RALGPS2: variants seen among roughly 807,000 people sequenced by gnomAD.
RALGPS2 encodes the protein ras-specific guanine nucleotide-releasing factor RalGPS2.
RALGPS2 carries 43 observed loss-of-function variants against 86.8 expected under a neutral mutation model. The observed-to-expected ratio is 0.50, with a 90% confidence interval of 0.39 to 0.64. The LOEUF is 0.64. Among genes scored for constraint, RALGPS2 ranks in the 30% least tolerant of loss-of-function variants. RALGPS2 has a pLI of 0.00. For synonymous variants in RALGPS2, 243 were observed against 231.3 expected (o/e 1.05, Z -0.46); for missense variants, 536 against 694.6 (o/e 0.77, Z 2.57).
chr1:178,856,722 TGTAGCTTATTTAATAAA>T (rs1657613149), intron 8 of RALGPS2, among the ~76,000 whole-genome samples: 1 of 152,118 alleles, frequency 6.6e-6, no homozygotes, highest in Non-Finnish European at 1.5e-5. Flanking sequence ...AACACATAAT[TGTAGCTTATTTAATAAA>T]GTAGCTTATT....
chr1:178,921,758 A>G lies in RALGPS2; in HGVS notation c.*5399A>G, dbSNP rs1647332319. 6.6e-6 allele frequency: 1 copy of G among 152,000 alleles called. No homozygotes were observed. Among genetic ancestry groups the G allele is most frequent in the Non-Finnish European group, 1.5e-5 (1 of 67,942 alleles). The allele number at this position is 152,000 out of a possible 1,614,324, so 9.4% of individuals were successfully genotyped here. On this transcript the variant is annotated 3_prime_UTR_variant, in exon 20 of 20. Coordinates refer to ENST00000367635, the MANE Select transcript of RALGPS2 (RefSeq NM_152663.5). ...ATGCAAATGTGAGTGTGCGATCTTC[A>G]GTGTGTCTGCATAAGCTAACTTAAG...
In RALGPS2 at chr1:178,834,932, C is replaced by G. The variant is rs1020494081; in HGVS notation, c.607+1382C>G. On this transcript the variant is annotated intron_variant, in intron 8 of 19. Transcript: ENST00000367635. ...AGCTGGGATTACAGGCAAGCACCAC[C>G]ACGCCCAGCTAATTTTTGTATTTTT... Among the ~76,000 whole-genome samples, 3 of 152,190 alleles carry G rather than the reference C, an allele frequency of 2.0e-5. No individual in the cohort carries two copies. In the East Asian group the frequency reaches 5.8e-4, roughly 29 times the overall value.
chr1:178,810,644 A>G (rs1310919259), intron 5 of RALGPS2, among the ~76,000 whole-genome samples: 1 of 151,682 alleles, frequency 6.6e-6, no homozygotes, highest in African/African-American at 2.4e-5. Flanking sequence ...TGTATACTTT[A>G]TATTTACATA....
At chr1:178,809,279 C>T (rs1654872422) in intron 5 of RALGPS2, among the ~76,000 whole-genome samples, 1 of 151,790 alleles carries the variant, frequency 6.6e-6, no homozygotes, top group African/African-American at 2.4e-5. Context: ...TTTTAGTCTG[C>T]CTTTTCACTG....
Position 178,889,713 on chromosome 1 carries a change from A to C in RALGPS2, c.1247+17A>C. On this transcript the variant is annotated intron_variant, in intron 14 of 19. Coordinates refer to ENST00000367635, the MANE Select transcript of RALGPS2 (RefSeq NM_152663.5). ...TTTTGAAAGGTAAGATAAATTGTCC[A>C]TTTGAACTACTTGGAGTTTATTTTG... The C allele has an allele frequency of 6.3e-7, 1 of 1,586,354 alleles. No individual in the cohort carries two copies. The highest frequency in any genetic ancestry group is 8.6e-7 in the Non-Finnish European group (1 of 1,159,480).
At chr1:178,751,889 A>G (rs1651700768) in intron 1 of RALGPS2, among the ~76,000 whole-genome samples, 1 of 152,236 alleles carries the variant, frequency 6.6e-6, no homozygotes, top group Non-Finnish European at 1.5e-5. Flanking sequence ...TTAAAAGACC[A>G]GAGGGATCTT....
At chr1:178,916,005 A>G (rs1660797132) in intron 19 of RALGPS2, among the ~76,000 whole-genome samples, 9 of 152,192 alleles carry the variant, frequency 5.9e-5, no homozygotes, top group Admixed American at 5.9e-4. Context: ...ACCCTACCAG[A>G]GTCATACTTA....
intron 1 of RALGPS2, among the ~76,000 whole-genome samples, chr1:178,727,106 G>A (rs983643107): frequency 2.0e-5 from 3 of 152,096 alleles, no homozygotes; most frequent in African/African-American, 7.2e-5. Flanking sequence ...AAAATGTAAG[G>A]GCATTAATGC....
chr1:178,888,017 G>T (rs572348816), intron 13 of RALGPS2, among the ~76,000 whole-genome samples: 6 of 152,148 alleles, frequency 3.9e-5, no homozygotes, highest in African/African-American at 1.4e-4. Context: ...TTATTCTGTA[G>T]TTTATAGCTT....
intron 1 of RALGPS2, among the ~76,000 whole-genome samples, chr1:178,768,931 CAG>C (rs1652647005): frequency 6.6e-6 from 1 of 152,082 alleles, no homozygotes; most frequent in South Asian, 2.1e-4. Context: ...GGGCATGGAG[CAG>C]AGATAGCCAC....
chr1:178,731,706 T>C (rs1387967955), intron 1 of RALGPS2, among the ~76,000 whole-genome samples: 1 of 152,216 alleles, frequency 6.6e-6, no homozygotes, highest in Non-Finnish European at 1.5e-5. Flanking sequence ...TGATATTTTA[T>C]GTATCTTGTA....
chr1:178,764,013 G>A (rs1196853587), intron 1 of RALGPS2, among the ~76,000 whole-genome samples: 1 of 151,924 alleles, frequency 6.6e-6, no homozygotes, highest in Admixed American at 6.6e-5. Context: ...AGGTCTATTT[G>A]ATCAAGTGTT....
chr1:178,813,190 C>G (rs1461106786), intron 6 of RALGPS2, among the ~76,000 whole-genome samples: 2 of 152,146 alleles, frequency 1.3e-5, no homozygotes, highest in Non-Finnish European at 2.9e-5. Flanking sequence ...ACCTCGGCCT[C>G]CCAAAGTGCT....
chr1:178,871,483 A>G (rs1284915296), intron 8 of RALGPS2, among the ~76,000 whole-genome samples: 1 of 151,466 alleles, frequency 6.6e-6, no homozygotes, highest in Non-Finnish European at 1.5e-5. Flanking sequence ...ATAATGTAAT[A>G]AATACTCTTT....
intron 7 of RALGPS2, among the ~76,000 whole-genome samples, chr1:178,822,501 CTT>C (rs113513115): frequency 6.6e-6 from 1 of 151,884 alleles, no homozygotes; most frequent in Non-Finnish European, 1.5e-5. Flanking sequence ...CTTTTTAAAA[CTT>C]TATTACTAAA....
intron 5 of RALGPS2, among the ~76,000 whole-genome samples, chr1:178,810,763 G>C (rs1654939263): frequency 6.6e-6 from 1 of 151,806 alleles, no homozygotes; most frequent in Admixed American, 6.6e-5. Context: ...AGAAATATGA[G>C]GCAGTGGCAT....
chr1:178,760,214 G>T (rs1292273693), intron 1 of RALGPS2, among the ~76,000 whole-genome samples: 1 of 152,138 alleles, frequency 6.6e-6, no homozygotes, highest in African/African-American at 2.4e-5. Context: ...ATTAGGTCCA[G>T]TTGGTCTGTG....
intron 1 of RALGPS2, among the ~76,000 whole-genome samples, chr1:178,761,490 G>A (rs75050723): frequency 0.043 from 6,492 of 151,774 alleles, 486 homozygotes; most frequent in African/African-American, 0.15. Context: ...TGAGAGTCTC[G>A]TCTCTAAGCT....
At chr1:178,824,007 A>G (rs1225327985) in intron 7 of RALGPS2, among the ~76,000 whole-genome samples, 1 of 152,176 alleles carries the variant, frequency 6.6e-6, no homozygotes, top group Admixed American at 6.6e-5. Flanking sequence ...AAATGAGGAG[A>G]AATCAACAAA....
Sources: gnomAD v4.1 joint callset for allele counts (sites outside exome capture counted in the v4.1 genomes callset) on GRCh38, gnomAD v4.1.1 for gene constraint, MANE v1.5 for transcripts, NCBI Gene and HGNC (gene_info 2026-07-23, HGNC 2026-07-21) for gene names.